YME1L1: variants seen among roughly 807,000 people sequenced by gnomAD.
YME1L1 encodes the protein YME1 like 1 ATPase, also known as ATP-dependent zinc metalloprotease YME1L1.
YME1L1 carries 39 observed loss-of-function variants against 90.4 expected under a neutral mutation model. The observed-to-expected ratio is 0.43, with a 90% confidence interval of 0.33 to 0.56. YME1L1 has a LOEUF of 0.56. YME1L1 is among the 20% of genes least tolerant of loss of function. The probability of loss-of-function intolerance (pLI) is 0.03; values close to 1 mark genes in which losing one functional copy is unlikely to be tolerated. For synonymous variants in YME1L1, 284 were observed against 287.3 expected, an observed-to-expected ratio of 0.99 and a Z score of 0.12; for missense variants, 617 against 868.4, an observed-to-expected ratio of 0.71 and a Z score of 3.64.
chr10:27,149,523 AAC>A (rs2057185411), intron 1 of YME1L1, among the ~76,000 whole-genome samples: 1 of 151,834 alleles, frequency 6.6e-6, no homozygotes, highest in Non-Finnish European at 1.5e-5. Context: ...CAGCCTGACC[AAC>A]ACAGTGAAAC....
chr10:27,125,043 ACACTGCTGTATTTT>A (rs1483227539), intron 9 of YME1L1, among the ~76,000 whole-genome samples: 3 of 152,216 alleles, frequency 2.0e-5, no homozygotes, highest in Non-Finnish European at 1.5e-5. Context: ...ATAATTTCAT[ACACTGCTGTATTTT>A]CAGTGGAGAT....
chr10:27,132,118 T>C (rs1338613315), intron 7 of YME1L1, among the ~76,000 whole-genome samples, 177 bp from the exon 8 acceptor site: 1 of 152,200 alleles, frequency 6.6e-6, no homozygotes, highest in Non-Finnish European at 1.5e-5. Flanking sequence ...TTTTTTTTCT[T>C]TTTGACAGAG....
rs1271965140 is a variant in YME1L1, at chr10:27,114,625, A to C, written c.1921-18T>G. On this transcript the variant is annotated intron_variant, in intron 17 of 18. Coordinates refer to ENST00000376016, the MANE Select transcript of YME1L1 (RefSeq NM_014263.4). ...ACTCCAAGCTAAAACCAAAAGGAAG[A>C]AAGTAATTGAACAGAAAACCCCCAA... is the stretch of plus-strand genomic sequence containing the variant. 1 of 1,597,402 alleles carries C rather than the reference A, an allele frequency of 6.3e-7. No individual in the cohort carries two copies. Among genetic ancestry groups the C allele is most frequent in the South Asian group, 1.1e-5 (1 of 89,048 alleles).
chr10:27,144,195 A>C (rs971338198), intron 3 of YME1L1, among the ~76,000 whole-genome samples: 1 of 152,236 alleles, frequency 6.6e-6, no homozygotes, highest in Admixed American at 6.5e-5. Context: ...AGTAGGAATA[A>C]TCATAATAAC....
intron 10 of YME1L1, 67 bp from the exon 11 acceptor site, chr10:27,123,040 A>T: frequency 6.4e-7 from 1 of 1,550,506 alleles, no homozygotes; most frequent in Non-Finnish European, 8.7e-7. Context: ...AACGAGATAA[A>T]TATTAAAATC....
In YME1L1 at chr10:27,148,980, A is replaced by C; in HGVS notation, c.94T>G (p.Ser32Ala). The C allele has an allele frequency of 6.2e-7, 1 of 1,614,076 alleles. No individual in the cohort carries two copies. Among genetic ancestry groups the C allele is most frequent in the Non-Finnish European group, 8.5e-7 (1 of 1,179,978 alleles). ...AFHTPKNTSV[S>A]LSGVSVSQNQ... ...TGAGAAACTGACACTCCACTGAGAG[A>C]AACAGAAGTGTTTTTTGGTGTATGG... Residue 32 changes from serine to alanine, a missense_variant, in exon 2 of 19, where the codon TCT (serine) becomes GCT (alanine). Coordinates refer to ENST00000376016, the MANE Select transcript of YME1L1 (RefSeq NM_014263.4).
intron 3 of YME1L1, among the ~76,000 whole-genome samples, chr10:27,144,262 TAAG>T (rs949938219): frequency 2.0e-5 from 3 of 152,232 alleles, no homozygotes; most frequent in African/African-American, 7.2e-5. Context: ...AAATATTTTA[TAAG>T]AAGGCAACTT....
At chr10:27,153,088 CTAAA>C (rs2057246024) in intron 1 of YME1L1, 2 of 442,348 alleles carry the variant, frequency 4.5e-6, no homozygotes, top group South Asian at 3.2e-5. Flanking sequence ...CTTCAACCTG[CTAAA>C]CCCTTTCCTA....
chr10:27,142,838 C>T (rs2057102881), intron 3 of YME1L1, among the ~76,000 whole-genome samples: 9 of 152,122 alleles, frequency 5.9e-5, no homozygotes, highest in Admixed American at 5.9e-4. Flanking sequence ...GCCTCGGCCT[C>T]CCAAGTAGCT....
At chr10:27,135,133 A>T in intron 5 of YME1L1, 152 bp from the exon 6 acceptor site, 1 of 650,934 alleles carries the variant, frequency 1.5e-6, no homozygotes, top group Non-Finnish European at 2.5e-6. Flanking sequence ...GAATTAATCA[A>T]TAACTAGGAA....
chr10:27,115,851 A>T (rs1276573291), intron 17 of YME1L1, among the ~76,000 whole-genome samples: 1 of 152,208 alleles, frequency 6.6e-6, no homozygotes, highest in Non-Finnish European at 1.5e-5. Flanking sequence ...TCGTGAAGTA[A>T]TAGTTACTAT....
rs1244214676 is a variant in YME1L1, at chr10:27,136,376, T to G, written c.440A>C (p.Gln147Pro). 1.2e-6 allele frequency: 2 copies of G among 1,611,546 alleles called. No individual in the cohort carries two copies. Among genetic ancestry groups the G allele is most frequent in the Non-Finnish European group, 1.7e-6 (2 of 1,178,580 alleles). ...TTTCAAAGTTTTAAAACCCCGAGAC[T>G]GTATGAAAACTAAATAAAACAATAC... ...SDLQYWPVFI[Q>P]SRGFKTLKSR... Residue 147 changes from glutamine to proline, a missense_variant, in exon 5 of 19, where the codon CAG (glutamine) becomes CCG (proline). This residue lies in a region of YME1L1 where 311 missense variants were observed against 335.8 expected (regional missense o/e 0.93). Coordinates refer to ENST00000376016, the MANE Select transcript of YME1L1 (RefSeq NM_014263.4).
intron 17 of YME1L1, 137 bp downstream of exon 17, chr10:27,115,923 T>C: frequency 1.3e-6 from 1 of 775,498 alleles, no homozygotes; most frequent in South Asian, 1.8e-5. Flanking sequence ...AGAATAACAA[T>C]GTTCAGAATA....
At chr10:27,151,545 C>T (rs1247976312) in intron 1 of YME1L1, among the ~76,000 whole-genome samples, 12 of 152,204 alleles carry the variant, frequency 7.9e-5, no homozygotes, top group Admixed American at 7.2e-4. Flanking sequence ...CAAATAAATT[C>T]GTGACATACT....
chr10:27,121,925 G>A (rs1183312080), intron 11 of YME1L1, among the ~76,000 whole-genome samples: 2 of 151,862 alleles, frequency 1.3e-5, no homozygotes, highest in South Asian at 4.2e-4. Context: ...TAGTAAAGAC[G>A]GGGTTTCACC....
intron 1 of YME1L1, among the ~76,000 whole-genome samples, chr10:27,153,948 A>G (rs1024623302): frequency 6.6e-6 from 1 of 151,452 alleles, no homozygotes; most frequent in African/African-American, 2.4e-5. Flanking sequence ...GTCTCTCTCT[A>G]TCACTGAGCT....
chr10:27,116,913 T>C (rs1218287069), intron 15 of YME1L1, among the ~76,000 whole-genome samples: 1 of 151,848 alleles, frequency 6.6e-6, no homozygotes, highest in Admixed American at 6.6e-5. Context: ...TCTGATATAG[T>C]TACATTAAAA....
Position 27,117,681 on chromosome 10 carries a change from G to A in YME1L1, c.1614C>T (p.Ile538=). Residue 538 remains isoleucine, a synonymous_variant, in exon 15 of 19, where the codon ATC becomes ATT. Coordinates refer to ENST00000376016, the MANE Select transcript of YME1L1 (RefSeq NM_014263.4). ...CATGACCAGATTCATGATATGCTGT[G>A]ATGGTTTTGTTTTTGTTATCAATTT... is the stretch of plus-strand genomic sequence containing the variant. ...SVEIDNKNKT[I]TAYHESGHAI... is the part of the protein sequence containing the mutation. 5 of 1,614,140 alleles carry A rather than the reference G, an allele frequency of 3.1e-6. No homozygotes were observed. The highest frequency in any genetic ancestry group is 4.2e-6 in the Non-Finnish European group (5 of 1,180,006).
Position 27,123,695 on chromosome 10 carries a change from A to T in YME1L1, c.954T>A (p.Ile318=). The T allele has an allele frequency of 6.3e-7, 1 of 1,593,320 alleles. No individual in the cohort carries two copies. The highest frequency in any genetic ancestry group is 8.5e-7 in the Non-Finnish European group (1 of 1,172,888). Residue 318 remains isoleucine, a synonymous_variant, in exon 10 of 19, where the codon ATT becomes ATA. Coordinates refer to ENST00000376016, the MANE Select transcript of YME1L1 (RefSeq NM_014263.4). ...TILGGKLPKG[I]LLVGPPGTGK... is the part of the protein sequence containing the mutation. ...CAGTCCCTGGGGGTCCAACTAAAAG[A>T]ATTCCTAAAAGAAAATGAAAACGAG...
Sources: gnomAD v4.1 joint callset for allele counts (sites outside exome capture counted in the v4.1 genomes callset) on GRCh38, gnomAD v4.1.1 for gene constraint, gnomAD v4.1.1 regional missense constraint, MANE v1.5 for transcripts, NCBI Gene and HGNC (gene_info 2026-07-23, HGNC 2026-07-21) for gene names.